Variants in CGNL1 observed in about 807,000 individuals in gnomAD.
The protein encoded by CGNL1 is cingulin like 1, also known as cingulin-like protein 1.
CGNL1 carries 132 observed loss-of-function variants against 141.2 expected under a neutral mutation model. That is an observed-to-expected ratio of 0.93 (90% CI 0.81 to 1.08). The LOEUF (loss-of-function observed/expected upper bound fraction) is 1.08. Among genes scored for constraint, CGNL1 ranks in the 50% least tolerant of loss-of-function variants. CGNL1 has a pLI of 0.00. For synonymous variants in CGNL1, 690 were observed against 622.1 expected (o/e 1.11, Z -1.63); for missense variants, 1,870 against 1,588.6 (o/e 1.18, Z -3.01).
intron 15 of CGNL1, among the ~76,000 whole-genome samples, chr15:57,544,096 T>C (rs1324119223): frequency 1.5e-4 from 23 of 152,204 alleles, no homozygotes; most frequent in African/African-American, 4.8e-4. Flanking sequence ...CGGGTCATTA[T>C]TTCTTTTTCA....
Position 57,439,371 on chromosome 15 carries a change from C to T in CGNL1, c.1372C>T (p.His458Tyr). 3 of 1,614,140 alleles carry T rather than the reference C, an allele frequency of 1.9e-6. No individual in the cohort carries two copies. Among genetic ancestry groups the T allele is most frequent in the Non-Finnish European group, 2.5e-6 (3 of 1,180,028 alleles). Residue 458 changes from histidine to tyrosine, a missense_variant, in exon 2 of 19, where the codon CAC becomes TAC. Coordinates refer to ENST00000281282, the MANE Select transcript of CGNL1 (RefSeq NM_032866.5). Reference sequence around the variant, plus strand: ...AGCAGCGCACGGGGCTTCATGTGCCCACTCCAGGCCTCCCCAGCCGAACAT... The same window carrying T: ...AGCAGCGCACGGGGCTTCATGTGCCTACTCCAGGCCTCCCCAGCCGAACAT... The part of the protein sequence containing the change: ...QGAAHGASCA[H>Y]SRPPQPNIDG...
intron 12 of CGNL1, among the ~76,000 whole-genome samples, chr15:57,525,038 T>C (rs1439907587): frequency 6.6e-6 from 1 of 152,212 alleles, no homozygotes; most frequent in Admixed American, 6.5e-5. Context: ...GGAGCAGCCA[T>C]GATGTGCCCA....
At chr15:57,486,076 G>C (rs1422978017) in intron 8 of CGNL1, among the ~76,000 whole-genome samples, 1 of 152,134 alleles carries the variant, frequency 6.6e-6, no homozygotes, top group Non-Finnish European at 1.5e-5. Context: ...TCAGGAGCAG[G>C]GCCCGGGCTG....
At chr15:57,429,568 T>C (rs1368795239) in intron 1 of CGNL1, among the ~76,000 whole-genome samples, 4 of 152,372 alleles carry the variant, frequency 2.6e-5, no homozygotes, top group South Asian at 2.1e-4. Context: ...AGTATGAAGA[T>C]GTTCATTTAT....
At chr15:57,536,331 C>T (rs1197887737) in intron 14 of CGNL1, among the ~76,000 whole-genome samples, 1 of 152,200 alleles carries the variant, frequency 6.6e-6, no homozygotes, top group African/African-American at 2.4e-5. Context: ...CAAACCATAT[C>T]ACAGCCTTTC....
chr15:57,451,409 G>C, intron 4 of CGNL1, 91 bp from the exon 5 acceptor site: 1 of 913,318 alleles, frequency 1.1e-6, no homozygotes, highest in Non-Finnish European at 1.7e-6. Context: ...TGCCTCATCT[G>C]TTACTGCACT....
At chr15:57,448,783 G>A (rs184088917) in intron 4 of CGNL1, among the ~76,000 whole-genome samples, 242 of 151,730 alleles carry the variant, frequency 1.6e-3, no homozygotes, top group African/African-American at 5.7e-3. Flanking sequence ...ATTTTATTTA[G>A]TTACTGGTTA....
chr15:57,496,752 C>T (rs1369739035), intron 8 of CGNL1, among the ~76,000 whole-genome samples: 1 of 152,154 alleles, frequency 6.6e-6, no homozygotes, highest in Non-Finnish European at 1.5e-5. Flanking sequence ...TGAGTCAGGA[C>T]ACCTCACTGG....
In CGNL1 at chr15:57,528,813, G is replaced by A; in HGVS notation, c.3199G>A (p.Glu1067Lys). ...DDRSRLVKQMEDKVSQLEMEL... is the reference protein window; with the variant it reads ...DDRSRLVKQMKDKVSQLEMEL... ...CCGCAGCAGGCTGGTCAAGCAGATG[G>A]AGGTCTGTGGGCCGTACAGTGTGAG... The change falls in exon 13 of 19, where the codon GAG becomes AAG. Residue 1067 changes from glutamate (E) to lysine (K), a missense_variant and splice_region_variant. Coordinates refer to ENST00000281282, the MANE Select transcript of CGNL1 (RefSeq NM_032866.5). 6.2e-7 allele frequency: 1 copy of A among 1,613,556 alleles called. No homozygotes were observed. Among genetic ancestry groups the A allele is most frequent in the Non-Finnish European group, 8.5e-7 (1 of 1,179,874 alleles).
intron 1 of CGNL1, among the ~76,000 whole-genome samples, chr15:57,434,133 A>G (rs1401542969): frequency 6.6e-6 from 1 of 152,220 alleles, no homozygotes; most frequent in Non-Finnish European, 1.5e-5. Flanking sequence ...TGCAGAAAGC[A>G]GAGAAAACGT....
chr15:57,442,297 G>A (rs2063199532), intron 3 of CGNL1, 76 bp from the exon 4 acceptor site: 1 of 822,226 alleles, frequency 1.2e-6, no homozygotes, highest in Non-Finnish European at 2.0e-6. Flanking sequence ...CCTGTTGGGT[G>A]TGTGTCATGA....
At chr15:57,477,395 C>T (rs1200577902) in intron 8 of CGNL1, 3 of 152,190 alleles carry the variant, frequency 2.0e-5, no homozygotes, top group African/African-American at 7.2e-5. Context: ...CGTTGGAAAA[C>T]ACTGGGTTCT....
chr15:57,495,601 G>C (rs1219734521), intron 8 of CGNL1, among the ~76,000 whole-genome samples: 1 of 152,156 alleles, frequency 6.6e-6, no homozygotes, highest in Non-Finnish European at 1.5e-5. Context: ...GGGACTCTCC[G>C]TCTAGGAAAA....
At position 57,452,373 on chromosome 15, in the gene CGNL1, C is replaced by T. The variant is rs1466513928; in HGVS notation, c.2054+84C>T. ...AAACTTTCTGTCCATTTAATACTACCCAGCCTTCCAAATATTTATAAAGGC... is the reference window on the plus strand; with the variant it reads ...AAACTTTCTGTCCATTTAATACTACTCAGCCTTCCAAATATTTATAAAGGC... On this transcript the variant is annotated intron_variant, in intron 6 of 18. Transcript: ENST00000281282. 30 of 1,232,862 alleles carry T rather than the reference C, an allele frequency of 2.4e-5. No homozygotes were observed. The Admixed American group carries it at 3.9e-4, about 16-fold the overall frequency. The allele number at this position is 1,232,862 out of a possible 1,614,324, so 76.4% of individuals were successfully genotyped here. A position where few individuals can be genotyped will look rare whatever the true frequency, so the allele number is the denominator to read the frequency against.
At chr15:57,433,190 A>G (rs975996115) in intron 1 of CGNL1, among the ~76,000 whole-genome samples, 2 of 152,196 alleles carry the variant, frequency 1.3e-5, no homozygotes, top group African/African-American at 4.8e-5. Context: ...AAATATGCCA[A>G]TGCTGCTCAG....
At chr15:57,483,541 T>C (rs2063752758) in intron 8 of CGNL1, among the ~76,000 whole-genome samples, 1 of 150,690 alleles carries the variant, frequency 6.6e-6, no homozygotes, top group Admixed American at 6.6e-5. Context: ...TCATGTCATC[T>C]GCAAACAGGG....
chr15:57,439,468 A>G lies in CGNL1; in HGVS notation c.1469A>G (p.Gln490Arg). Residue 490 changes from glutamine to arginine, a missense_variant, in exon 2 of 19, where the codon CAG becomes CGG. By Grantham distance (43) the Gln-to-Arg change is conservative. Coordinates refer to ENST00000281282, the MANE Select transcript of CGNL1 (RefSeq NM_032866.5). ...TVIRAPSLGAQSKKEEEVKTA... is the reference protein window; with the variant it reads ...TVIRAPSLGARSKKEEEVKTA... ...ATCCGTGCGCCCTCCCTTGGTGCAC[A>G]GAGTAAAAAGGAGGAGGAGGTGAAA... is the stretch of plus-strand genomic sequence containing the variant. The G allele has an allele frequency of 6.2e-7, 1 of 1,614,234 alleles. No individual in the cohort carries two copies.
chr15:57,526,886 G>A lies in CGNL1; in HGVS notation c.3040-1768G>A, dbSNP rs1286931627. Among the ~76,000 whole-genome samples, 4 of 152,078 alleles carry A rather than the reference G, an allele frequency of 2.6e-5. No homozygotes were observed. In the South Asian group the frequency reaches 8.3e-4, roughly 32 times the overall value. On this transcript the variant is annotated intron_variant, in intron 12 of 18. Transcript: ENST00000281282. ...AGGAGGGCACGCTGGGCATTGGGAA[G>A]GGGGACAGGAAGGAAACGCAGGCTG... is the stretch of plus-strand genomic sequence containing the variant.
intron 1 of CGNL1, among the ~76,000 whole-genome samples, chr15:57,417,405 TG>T (rs559697058): frequency 5.3e-5 from 8 of 152,228 alleles, no homozygotes; most frequent in Non-Finnish European, 1.0e-4. Context: ...AGCTAATTTT[TG>T]TATTTTTAGT....
Sources: gnomAD v4.1 joint callset for allele counts (sites outside exome capture counted in the v4.1 genomes callset) on GRCh38, gnomAD v4.1.1 for gene constraint, MANE v1.5 for transcripts, NCBI Gene and HGNC (gene_info 2026-07-23, HGNC 2026-07-21) for gene names.